ST6GAL1: variants seen among roughly 807,000 people sequenced by gnomAD.
The protein encoded by ST6GAL1 is ST6 beta-galactoside alpha-2,6-sialyltransferase 1.
In ST6GAL1, 20 loss-of-function variants were observed where a neutral mutation model predicts 38.0. That is an observed-to-expected ratio of 0.53 (90% CI 0.37 to 0.77). The LOEUF (loss-of-function observed/expected upper bound fraction) is 0.77, where lower values mean the gene tolerates loss of function less well. ST6GAL1 is among the 30% of genes least tolerant of loss of function. The pLI, the probability that ST6GAL1 is intolerant of heterozygous loss-of-function variation, is 0.00. For missense variants in ST6GAL1, 432 were observed against 496.4 expected (o/e 0.87, Z 1.23); for synonymous variants, 196 against 188.2 (o/e 1.04, Z -0.34).
intron 2 of ST6GAL1, among the ~76,000 whole-genome samples, chr3:187,014,672 C>T (rs1411183103): frequency 6.6e-6 from 1 of 152,212 alleles, no homozygotes; most frequent in African/African-American, 2.4e-5. Flanking sequence ...GGCATGATTG[C>T]AATACATTCC....
intron 2 of ST6GAL1, among the ~76,000 whole-genome samples, chr3:186,985,811 C>T (rs1364302291): frequency 2.0e-5 from 3 of 151,196 alleles, no homozygotes; most frequent in African/African-American, 7.3e-5. Flanking sequence ...GAAAAAAAGA[C>T]GAGGTCTGGA....
At chr3:187,017,393 G>T (rs1394226774) in intron 2 of ST6GAL1, among the ~76,000 whole-genome samples, 5 of 148,708 alleles carry the variant, frequency 3.4e-5, no homozygotes, top group Non-Finnish European at 7.5e-5. Flanking sequence ...CTTCCTAGGT[G>T]ATATTAATGC....
intron 2 of ST6GAL1, among the ~76,000 whole-genome samples, chr3:186,972,904 T>C (rs1488751072): frequency 1.3e-5 from 2 of 151,892 alleles, no homozygotes; most frequent in Admixed American, 6.6e-5. Flanking sequence ...GGAAATGGAG[T>C]ATTGAGAAGT....
At chr3:186,936,653 G>A (rs1713962973) in intron 1 of ST6GAL1, among the ~76,000 whole-genome samples, 1 of 152,102 alleles carries the variant, frequency 6.6e-6, no homozygotes. Context: ...TAAAAATAAA[G>A]CTAGGGGCTG....
intron 1 of ST6GAL1, among the ~76,000 whole-genome samples, chr3:186,953,387 C>T (rs1313300874): frequency 6.6e-6 from 1 of 152,186 alleles, no homozygotes; most frequent in Non-Finnish European, 1.5e-5. Flanking sequence ...CCACTGCTTC[C>T]TCCAGGCAGG....
intron 4 of ST6GAL1, among the ~76,000 whole-genome samples, chr3:187,050,984 A>C (rs529853570): frequency 4.9e-4 from 74 of 152,316 alleles, no homozygotes; most frequent in African/African-American, 1.5e-3. Flanking sequence ...GTGCCCAGGC[A>C]CAAGCGAATG....
chr3:187,044,210 A>G (rs944784387), intron 4 of ST6GAL1, among the ~76,000 whole-genome samples: 1 of 152,266 alleles, frequency 6.6e-6, no homozygotes, highest in Non-Finnish European at 1.5e-5. Flanking sequence ...CCTGTGTAAC[A>G]GAGAGCCTTA....
chr3:187,026,410 A>C (rs1056881827), intron 2 of ST6GAL1, among the ~76,000 whole-genome samples: 10 of 152,174 alleles, frequency 6.6e-5, no homozygotes, highest in African/African-American at 2.4e-4. Context: ...TCACCAAATT[A>C]CAGGACCTTT....
At chr3:187,011,539 GTCC>G (rs1346279222) in intron 2 of ST6GAL1, among the ~76,000 whole-genome samples, 5 of 152,186 alleles carry the variant, frequency 3.3e-5, no homozygotes, top group Admixed American at 3.3e-4. Flanking sequence ...AGCTTTTGTT[GTCC>G]TTGGGAAGCT....
At chr3:186,934,540 G>C (rs567306937) in intron 1 of ST6GAL1, among the ~76,000 whole-genome samples, 8 of 151,664 alleles carry the variant, frequency 5.3e-5, no homozygotes, top group African/African-American at 1.9e-4. Flanking sequence ...CCAGCCTGGG[G>C]ACATAGCGAG....
intron 2 of ST6GAL1, chr3:186,986,328 C>T (rs1159055395): frequency 1.3e-5 from 2 of 152,072 alleles, no homozygotes; most frequent in Admixed American, 6.6e-5. Flanking sequence ...TCAGTCCAGG[C>T]CTCTATCATG....
chr3:187,044,808 C>A (rs1718241344), intron 4 of ST6GAL1, among the ~76,000 whole-genome samples: 1 of 152,116 alleles, frequency 6.6e-6, no homozygotes, highest in East Asian at 1.9e-4. Context: ...TTTAAGTAAA[C>A]ATTAATACAA....
intron 2 of ST6GAL1, among the ~76,000 whole-genome samples, chr3:186,987,657 G>A (rs894877967): frequency 4.6e-5 from 7 of 152,166 alleles, no homozygotes; most frequent in African/African-American, 1.2e-4. Context: ...AAGATCTTAC[G>A]GAGATGGGAG....
intron 4 of ST6GAL1, among the ~76,000 whole-genome samples, chr3:187,049,087 C>T (rs1340945720): frequency 6.6e-6 from 1 of 152,082 alleles, no homozygotes; most frequent in Admixed American, 6.5e-5. Context: ...GATGGGGTTT[C>T]ACCATGTTGG....
chr3:186,943,401 T>A (rs1714246761), intron 1 of ST6GAL1, among the ~76,000 whole-genome samples: 1 of 152,356 alleles, frequency 6.6e-6, no homozygotes, highest in South Asian at 2.1e-4. Context: ...TGTTATTTAA[T>A]AGAATTTTCA....
At chr3:186,969,706 G>A (rs571010091) in intron 2 of ST6GAL1, among the ~76,000 whole-genome samples, 9 of 152,334 alleles carry the variant, frequency 5.9e-5, no homozygotes, top group African/African-American at 1.2e-4. Flanking sequence ...TGCAGAGGAA[G>A]AGCGGTGATC....
At chr3:186,983,250 T>C (rs529207744) in intron 2 of ST6GAL1, among the ~76,000 whole-genome samples, 2 of 152,338 alleles carry the variant, frequency 1.3e-5, no homozygotes, top group Admixed American at 1.3e-4. Flanking sequence ...GTGATAATTA[T>C]TACTTGGCAG....
intron 2 of ST6GAL1, chr3:186,986,289 A>G (rs1715917667): frequency 6.6e-6 from 1 of 152,210 alleles, no homozygotes; most frequent in Non-Finnish European, 1.5e-5. Context: ...CGTGCAAGTT[A>G]TATCTGGTTC....
intron 2 of ST6GAL1, among the ~76,000 whole-genome samples, chr3:187,007,556 AAAACAAAC>A (rs377443024): frequency 2.0e-5 from 3 of 152,196 alleles, no homozygotes; most frequent in Admixed American, 1.3e-4. Context: ...ATTTCCTGGT[AAAACAAAC>A]AAACAAACAA....
Sources: allele counts gnomAD v4.1 joint callset (sites outside exome capture counted in the v4.1 genomes callset), GRCh38; gene constraint gnomAD v4.1.1; transcripts MANE v1.5; gene names NCBI Gene and HGNC (gene_info 2026-07-23, HGNC 2026-07-21).